The following TLL1 variants were observed in gnomAD, a reference collection of about 807,000 sequenced individuals.
TLL1 encodes the protein tolloid-like protein 1.
A neutral mutation model predicts 128.2 loss-of-function variants in TLL1; 49 were observed. The ratio of observed to expected loss-of-function variants is 0.38; its 90% CI spans 0.30 to 0.48. TLL1 has a LOEUF of 0.48. Ranked by LOEUF, TLL1 falls within the 20% of genes least tolerant of loss-of-function variation. The pLI is 0.96. For missense variants in TLL1, 1,123 were observed against 1,242.0 expected, an observed-to-expected ratio of 0.90 and a Z score of 1.44; for synonymous variants, 454 against 418.8, an observed-to-expected ratio of 1.08 and a Z score of -1.03.
At chr4:165,881,165 C>T (rs112566226) in intron 1 of TLL1, among the ~76,000 whole-genome samples, 40 of 152,196 alleles carry the variant, frequency 2.6e-4, no homozygotes, top group South Asian at 4.1e-4. Context: ...CAAATATCCC[C>T]GGGAGAAACA....
chr4:165,896,330 C>T (rs1272453255), intron 1 of TLL1, among the ~76,000 whole-genome samples: 1 of 152,048 alleles, frequency 6.6e-6, no homozygotes, highest in Non-Finnish European at 1.5e-5. Context: ...TCCAGTTGAT[C>T]ATTGATGGGC....
At chr4:165,900,617 T>G (rs181923139) in intron 1 of TLL1, among the ~76,000 whole-genome samples, 24 of 152,360 alleles carry the variant, frequency 1.6e-4, no homozygotes, top group African/African-American at 5.5e-4. Flanking sequence ...GTTATTCTGA[T>G]GGACTTCCCT....
intron 7 of TLL1, among the ~76,000 whole-genome samples, chr4:166,010,726 C>A (rs1737653068): frequency 6.6e-6 from 1 of 151,118 alleles, no homozygotes; most frequent in South Asian, 2.1e-4. Context: ...TGGTCACATG[C>A]AACACCATGA....
At chr4:166,082,077 A>G (rs1259430251) in intron 18 of TLL1, among the ~76,000 whole-genome samples, 1 of 152,172 alleles carries the variant, frequency 6.6e-6, no homozygotes, top group African/African-American at 2.4e-5. Flanking sequence ...GAGCTTTCAC[A>G]CAGTATTAAA....
chr4:165,922,099 G>A (rs1306831255), intron 1 of TLL1, among the ~76,000 whole-genome samples: 1 of 152,128 alleles, frequency 6.6e-6, no homozygotes. Context: ...GCTGACTAGG[G>A]CTCTGGAACC....
chr4:165,982,065 T>A (rs1029351723), intron 1 of TLL1, among the ~76,000 whole-genome samples: 14 of 152,012 alleles, frequency 9.2e-5, no homozygotes, highest in Non-Finnish European at 2.1e-4. Context: ...TCTGCTATAT[T>A]AAGCAAAGTG....
intron 1 of TLL1, among the ~76,000 whole-genome samples, chr4:165,952,401 G>T (rs1734567972): frequency 6.6e-6 from 1 of 152,148 alleles, no homozygotes; most frequent in Non-Finnish European, 1.5e-5. Context: ...TTGCTTGGGA[G>T]TTAATTCTAA....
At chr4:165,923,588 C>T (rs1041109132) in intron 1 of TLL1, among the ~76,000 whole-genome samples, 3 of 151,718 alleles carry the variant, frequency 2.0e-5, no homozygotes, top group Admixed American at 1.3e-4. Flanking sequence ...CACCCACCAC[C>T]ACGCTCCACT....
chr4:166,063,140 A>G (rs1740411874), intron 15 of TLL1, among the ~76,000 whole-genome samples: 1 of 152,188 alleles, frequency 6.6e-6, no homozygotes, highest in Non-Finnish European at 1.5e-5. Flanking sequence ...AAACAAATTT[A>G]CAAGAAAAAA....
In TLL1 at chr4:165,996,607, TAAATAAAC is replaced by T. The variant is rs1380041894; in HGVS notation, c.632+1433_632+1440del. 2.9e-3 allele frequency among the ~76,000 whole-genome samples: 396 copies of T among 138,794 alleles called. 1 individual carries two copies. Among genetic ancestry groups the T allele is most frequent in the South Asian group, 4.0e-3 (19 of 4,696 alleles). 91.1% of individuals were successfully genotyped at this position (138,794 alleles called of 152,430 possible). ...GAGGAAGACTCCATCTCAAAATAAA[TAAATAAAC>T]AAACAAACAAACAAACATTATGTAA... On this transcript the variant is annotated intron_variant, in intron 5 of 20. Coordinates refer to ENST00000061240, the MANE Select transcript of TLL1 (RefSeq NM_012464.5).
At chr4:165,882,847 AC>A (rs954116905) in intron 1 of TLL1, among the ~76,000 whole-genome samples, 30 of 151,550 alleles carry the variant, frequency 2.0e-4, no homozygotes, top group African/African-American at 7.3e-4. Context: ...CGAACTCCCA[AC>A]CTCAGGTGAT....
intron 8 of TLL1, among the ~76,000 whole-genome samples, chr4:166,019,964 A>C (rs970424264): frequency 4.6e-5 from 7 of 152,136 alleles, no homozygotes; most frequent in African/African-American, 1.7e-4. Flanking sequence ...TAGGAAGGGG[A>C]TAGTATGAGG....
chr4:165,893,986 C>A (rs541384254), intron 1 of TLL1, among the ~76,000 whole-genome samples: 1 of 151,996 alleles, frequency 6.6e-6, no homozygotes, highest in Admixed American at 6.6e-5. Flanking sequence ...AGTATTACAG[C>A]GTTATTTTAA....
chr4:166,095,735 G>A (rs943895601), intron 19 of TLL1, among the ~76,000 whole-genome samples: 43 of 151,984 alleles, frequency 2.8e-4, no homozygotes, highest in Non-Finnish European at 5.9e-4. Flanking sequence ...TTAAAATGAA[G>A]TTCACCCTAG....
intron 18 of TLL1, among the ~76,000 whole-genome samples, chr4:166,089,763 T>C (rs1560864214): frequency 6.6e-6 from 1 of 152,138 alleles, no homozygotes; most frequent in Non-Finnish European, 1.5e-5. Context: ...TGCTTATTGG[T>C]TATAATTTTT....
intron 17 of TLL1, among the ~76,000 whole-genome samples, chr4:166,075,926 A>G (rs1741000962): frequency 6.6e-6 from 1 of 152,164 alleles, no homozygotes; most frequent in Admixed American, 6.6e-5. Flanking sequence ...TGAGCTAATT[A>G]CATTGTGCAG....
chr4:166,030,752 C>T (rs1738730984), intron 9 of TLL1: 1 of 1,135,818 alleles, frequency 8.8e-7, no homozygotes, highest in Non-Finnish European at 1.1e-6. Context: ...TGTTTTTATT[C>T]AGCATTCCTG....
chr4:166,003,562 C>T lies in TLL1; in HGVS notation c.804C>T (p.Ile268=). 6.2e-7 allele frequency: 1 copy of T among 1,613,858 alleles called. No individual in the cohort carries two copies. The highest frequency in any genetic ancestry group is 8.5e-7 in the Non-Finnish European group (1 of 1,179,838). ...DNHVTIIREN[I]QPGQEYNFLK... ...ACGTAACTATCATAAGAGAAAACAT[C>T]CAGCCAGGTGAGAGGCATAGAATGT... The change falls in exon 6 of 21, where the codon ATC becomes ATT. Residue 268 remains isoleucine, a synonymous_variant. Coordinates refer to ENST00000061240, the MANE Select transcript of TLL1 (RefSeq NM_012464.5).
chr4:166,093,365 G>A (rs568605295), intron 19 of TLL1, among the ~76,000 whole-genome samples: 2 of 152,274 alleles, frequency 1.3e-5, no homozygotes, highest in South Asian at 4.1e-4. Context: ...AGTTCAAGGG[G>A]AGGTACTATG....
Sources: allele counts gnomAD v4.1 joint callset (sites outside exome capture counted in the v4.1 genomes callset), GRCh38; gene constraint gnomAD v4.1.1; transcripts MANE v1.5; gene names NCBI Gene and HGNC (gene_info 2026-07-23, HGNC 2026-07-21).